The following PHLPP1 variants were observed in gnomAD, a reference collection of about 807,000 sequenced individuals.
PHLPP1 encodes the protein PH domain and leucine rich repeat protein phosphatase 1.
A neutral mutation model predicts 117.2 loss-of-function variants in PHLPP1; 42 were observed. The observed-to-expected ratio is 0.36, with a 90% CI of 0.28 to 0.46. The LOEUF is 0.46. Ranked by LOEUF, PHLPP1 falls within the 20% of genes least tolerant of loss-of-function variation. PHLPP1 has a pLI of 1.00. For synonymous variants in PHLPP1, 1,042 were observed against 970.7 expected, an observed-to-expected ratio of 1.07 and a Z score of -1.37; for missense variants, 2,084 against 2,241.9, an observed-to-expected ratio of 0.93 and a Z score of 1.42.
intron 4 of PHLPP1, among the ~76,000 whole-genome samples, chr18:62,864,497 C>T (rs1020880201): frequency 6.6e-6 from 1 of 152,170 alleles, no homozygotes; most frequent in Non-Finnish European, 1.5e-5. Flanking sequence ...TGGCGAGGGC[C>T]ATTGATAACA....
chr18:62,824,587 CTTA>C (rs1331674659), intron 1 of PHLPP1, among the ~76,000 whole-genome samples: 3 of 151,970 alleles, frequency 2.0e-5, no homozygotes, highest in Admixed American at 6.6e-5. Flanking sequence ...TACATCATAT[CTTA>C]TTTTATACTT....
chr18:62,842,969 T>A (rs778673290), intron 3 of PHLPP1: 2 of 152,156 alleles, frequency 1.3e-5, no homozygotes, highest in Non-Finnish European at 2.9e-5. Flanking sequence ...CTCGCTCCAT[T>A]TGGGAATATA....
At chr18:62,820,160 T>A (rs538361765) in intron 1 of PHLPP1, among the ~76,000 whole-genome samples, 1 of 152,332 alleles carries the variant, frequency 6.6e-6, no homozygotes, top group Admixed American at 6.5e-5. Flanking sequence ...CAATCCTAAA[T>A]GTTTATGCAC....
At chr18:62,912,783 C>G (rs1916993291) in intron 8 of PHLPP1, among the ~76,000 whole-genome samples, 1 of 152,188 alleles carries the variant, frequency 6.6e-6, no homozygotes, top group South Asian at 2.1e-4. Flanking sequence ...CCATGCCTGG[C>G]TAATTTTCTT....
chr18:62,875,605 A>G (rs1382891865), intron 4 of PHLPP1, among the ~76,000 whole-genome samples: 1 of 152,070 alleles, frequency 6.6e-6, no homozygotes, highest in Admixed American at 6.6e-5. Context: ...GATACTCCAT[A>G]AATGAACGCA....
Position 62,978,798 on chromosome 18 carries a change from C to A in PHLPP1, c.4521C>A (p.Ser1507Arg). The A allele has an allele frequency of 6.2e-7, 1 of 1,612,000 alleles. No homozygotes were observed. The highest frequency in any genetic ancestry group is 8.5e-7 in the Non-Finnish European group (1 of 1,179,190). ...CGCCCGGAGCCCTAAGCGAGAACAG[C>A]CCTGCCTACCCCAGTGAGCAGCGCT... is the stretch of plus-strand genomic sequence containing the variant. Reference protein sequence around the residue: ...EPPPGALSENSPAYPSEQRCM... With the variant: ...EPPPGALSENRPAYPSEQRCM... The change falls in exon 17 of 17, where the codon AGC (serine) becomes AGA (arginine). Residue 1507 changes from serine to arginine, a missense_variant. Around this residue, in one of 2 missense-constraint regions of PHLPP1, gnomAD observed 1,365 missense variants for 1,605.9 expected, o/e 0.85. Transcript: ENST00000262719. The surrounding 1 kb of genome is among the most constrained non-coding windows in gnomAD (Gnocchi z 7.0).
intron 10 of PHLPP1, among the ~76,000 whole-genome samples, chr18:62,920,988 G>C (rs1424583358): frequency 1.3e-5 from 2 of 152,188 alleles, no homozygotes; most frequent in Non-Finnish European, 2.9e-5. Context: ...ATTTGAAGTT[G>C]TTTTGAATGG....
chr18:62,722,252 AT>A (rs1292640374), intron 1 of PHLPP1, among the ~76,000 whole-genome samples: 1 of 152,138 alleles, frequency 6.6e-6, no homozygotes, highest in African/African-American at 2.4e-5. Flanking sequence ...CTCGTACTTA[AT>A]TTTGCAGTGA....
At chr18:62,826,793 G>A (rs979568416) in intron 1 of PHLPP1, among the ~76,000 whole-genome samples, 2 of 152,096 alleles carry the variant, frequency 1.3e-5, no homozygotes, top group African/African-American at 4.8e-5. Context: ...ACGAGGTCAG[G>A]AGTTTGAGAC....
chr18:62,842,088 C>T (rs531921940), intron 3 of PHLPP1, among the ~76,000 whole-genome samples: 7 of 152,246 alleles, frequency 4.6e-5, no homozygotes, highest in Non-Finnish European at 1.0e-4. Context: ...TAGATTTATA[C>T]TGGCACATAG....
rs1019824040 is a variant in PHLPP1, at chr18:62,808,135, A to C, written c.1577-21900A>C. 3.3e-5 allele frequency among the ~76,000 whole-genome samples: 5 copies of C among 152,112 alleles called. No homozygotes were observed. In the South Asian group the frequency reaches 1.0e-3, roughly 32 times the overall value. On this transcript the variant is annotated intron_variant, in intron 1 of 16. Transcript: ENST00000262719. ...ATTGGGTCTGGGGTGTGTGAGAGAG[A>C]GAAGTTGAGGAAGAGGCTTTGGGTT...
chr18:62,761,449 G>A (rs1195639499), intron 1 of PHLPP1, among the ~76,000 whole-genome samples: 3 of 151,728 alleles, frequency 2.0e-5, no homozygotes, highest in East Asian at 2.0e-4. Context: ...TGGCTAACAC[G>A]GTGAAACCCC....
chr18:62,777,085 C>G (rs1177751812), intron 1 of PHLPP1, among the ~76,000 whole-genome samples: 1 of 152,160 alleles, frequency 6.6e-6, no homozygotes, highest in Non-Finnish European at 1.5e-5. Context: ...TTTAGCAACC[C>G]AATGGTAGAT....
chr18:62,735,094 G>C (rs899329099), intron 1 of PHLPP1, among the ~76,000 whole-genome samples: 3 of 151,350 alleles, frequency 2.0e-5, no homozygotes, highest in African/African-American at 7.3e-5. Context: ...GCTTAGACGG[G>C]AGTGTAGTGG....
chr18:62,750,022 A>G (rs912333972), intron 1 of PHLPP1, among the ~76,000 whole-genome samples: 4 of 152,152 alleles, frequency 2.6e-5, no homozygotes, highest in African/African-American at 9.7e-5. Context: ...CCTCAAAACA[A>G]AAGCAAAAAC....
At chr18:62,871,988 G>T (rs1228943689) in intron 4 of PHLPP1, among the ~76,000 whole-genome samples, 1 of 152,140 alleles carries the variant, frequency 6.6e-6, no homozygotes, top group East Asian at 1.9e-4. Flanking sequence ...TATTAAGGAT[G>T]TATAGGGAGG....
At chr18:62,757,937 C>T (rs546735997) in intron 1 of PHLPP1, among the ~76,000 whole-genome samples, 186 of 152,208 alleles carry the variant, frequency 1.2e-3, no homozygotes, top group Non-Finnish European at 2.1e-3. Flanking sequence ...CTGGTGTGTT[C>T]GGATTTGAAA....
Position 62,833,540 on chromosome 18 carries a change from A to T in PHLPP1, c.1773+3309A>T, listed in dbSNP as rs373675822. ...CATTGCCTCCCCTAGCCCTAGAAGG[A>T]TTCACTGTCCTAGAATGTATATTCC... is the stretch of plus-strand genomic sequence containing the variant. On this transcript the variant is annotated intron_variant, in intron 2 of 16. Coordinates refer to ENST00000262719, the MANE Select transcript of PHLPP1 (RefSeq NM_194449.4). Among the ~76,000 whole-genome samples the T allele has an allele frequency of 4.6e-5, 7 of 152,252 alleles. No individual in the cohort carries two copies. In the South Asian group the frequency reaches 1.5e-3, roughly 32 times the overall value.
At chr18:62,838,591 C>A in intron 2 of PHLPP1, 193 bp from the exon 3 acceptor site, 1 of 508,142 alleles carries the variant, frequency 2.0e-6, no homozygotes, top group Admixed American at 3.3e-5. Flanking sequence ...AAAGATAAAA[C>A]TCCCCCTTTT....
Sources: allele counts gnomAD v4.1 joint callset (sites outside exome capture counted in the v4.1 genomes callset), GRCh38; gene constraint gnomAD v4.1.1; regional missense constraint gnomAD v4.1.1; non-coding constraint Gnocchi (gnomAD v3.1); transcripts MANE v1.5; gene names NCBI Gene and HGNC (gene_info 2026-07-23, HGNC 2026-07-21).